The following PLIN3 variants were observed in gnomAD, a reference collection of about 807,000 sequenced individuals.
PLIN3 encodes the protein perilipin 3, also known as perilipin-3.
In PLIN3, 30 loss-of-function variants were observed where a neutral mutation model predicts 35.9. The observed-to-expected ratio is 0.84, with a 90% confidence interval of 0.62 to 1.13. The LOEUF is 1.13. PLIN3 is among the 50% of genes most tolerant of loss of function. The pLI is 0.00. For synonymous variants in PLIN3, 261 were observed against 262.5 expected, an observed-to-expected ratio of 0.99 and a Z score of 0.06; for missense variants, 603 against 596.9, an observed-to-expected ratio of 1.01 and a Z score of -0.11.
Position 4,863,220 on chromosome 19 carries a change from G to A in PLIN3, c.-17-1809C>T, listed in dbSNP as rs528100639. On this transcript the variant is annotated intron_variant, in intron 1 of 7. Transcript: ENST00000221957. ...GGCTAAAGAATGAGATTTAAAGGCC[G>A]GGTGCGGTGGCTCACGCCTGTAATC... Among the ~76,000 whole-genome samples the A allele has an allele frequency of 6.1e-5, 9 of 147,968 alleles. No individual in the cohort carries two copies. In the East Asian group the frequency reaches 1.3e-3, roughly 21 times the overall value.
At chr19:4,865,940 G>A (rs192215482) in intron 1 of PLIN3, among the ~76,000 whole-genome samples, 3 of 149,870 alleles carry the variant, frequency 2.0e-5, no homozygotes, top group African/African-American at 7.4e-5. Context: ...AGCCAGGATC[G>A]TCTCGATCTC....
chr19:4,863,995 C>T (rs1452034189), intron 1 of PLIN3, among the ~76,000 whole-genome samples: 3 of 151,980 alleles, frequency 2.0e-5, no homozygotes, highest in Middle Eastern at 3.4e-3. Flanking sequence ...TGTAGTGGTG[C>T]GATCTTGGCT....
chr19:4,852,434 CTCTG>C (rs2030332941), intron 4 of PLIN3, 133 bp from the exon 5 acceptor site: 9 of 1,096,870 alleles, frequency 8.2e-6, no homozygotes, highest in Non-Finnish European at 1.2e-5. Context: ...TCCGTCTTCC[CTCTG>C]TATGTGGGCA....
intron 5 of PLIN3, among the ~76,000 whole-genome samples, chr19:4,850,880 G>A (rs372438563): frequency 3.4e-4 from 51 of 152,090 alleles, no homozygotes; most frequent in East Asian, 2.1e-3. Flanking sequence ...TATATCCTAA[G>A]CTACTTATTT....
At chr19:4,863,837 A>AG (rs1021449180) in intron 1 of PLIN3, among the ~76,000 whole-genome samples, 8 of 151,534 alleles carry the variant, frequency 5.3e-5, no homozygotes, top group African/African-American at 1.9e-4. Flanking sequence ...CAAAAAAAAA[A>AG]AAAAGAAAAC....
In PLIN3 at chr19:4,852,163, C is replaced by T. The variant is rs761431232; in HGVS notation, c.487G>A (p.Asp163Asn). 5.0e-5 allele frequency: 81 copies of T among 1,613,874 alleles called. No individual in the cohort carries two copies. Among genetic ancestry groups the T allele is most frequent in the Non-Finnish European group, 6.6e-5 (78 of 1,180,012 alleles). ...CCGGTCACTACGGACTTTGTCTTGT[C>T]CACGCCGCTCTGCACAGCACCGCGG... ...ATRGAVQSGV[D>N]KTKSVVTGGV... The change falls in exon 5 of 8, where the codon GAC becomes AAC. Residue 163 changes from aspartate to asparagine, a missense_variant. Transcript: ENST00000221957.
At chr19:4,841,928 A>AAAAAAAAAAAAAAG (rs2029905882) in intron 7 of PLIN3, among the ~76,000 whole-genome samples, 3 of 30,660 alleles carry the variant, frequency 9.8e-5, no homozygotes, top group Non-Finnish European at 1.3e-4. Context: ...AAAAAAAAAG[A>AAAAAAAAAAAAAAG]AAAAAAAAAG....
At chr19:4,841,159 C>T (rs1302599372) in intron 7 of PLIN3, among the ~76,000 whole-genome samples, 2 of 152,128 alleles carry the variant, frequency 1.3e-5, no homozygotes, top group African/African-American at 4.8e-5. Flanking sequence ...AAACATACGT[C>T]CACACACAAA....
chr19:4,844,678 G>A lies in PLIN3; in HGVS notation c.950C>T (p.Pro317Leu), dbSNP rs749029535. ...KQLQGPEKEP[P>L]KPEQVESRAL... ...TCCCCTCATGGGTACCTCTGGCTTG[G>A]GCGGCTCCTTCTCGGGGCCCTGGAG... Residue 317 changes from proline (P) to leucine (L), a missense_variant, in exon 7 of 8, where the codon CCC (proline) becomes CTC (leucine). Pro to Leu is a moderately conservative substitution (Grantham distance 98, BLOSUM62 -3). Transcript: ENST00000221957. The A allele has an allele frequency of 6.2e-7, 1 of 1,609,502 alleles. No individual in the cohort carries two copies. The highest frequency in any genetic ancestry group is 1.3e-5 in the African/African-American group (1 of 74,822).
intron 1 of PLIN3, among the ~76,000 whole-genome samples, chr19:4,863,298 G>C (rs2030734789): frequency 6.6e-6 from 1 of 151,792 alleles, no homozygotes; most frequent in Admixed American, 6.6e-5. Flanking sequence ...AGGAGTTCGA[G>C]ACCAGCCTGA....
At chr19:4,860,148 C>CT in intron 2 of PLIN3, 124 bp from the exon 3 acceptor site, 1 of 767,032 alleles carries the variant, frequency 1.3e-6, no homozygotes, top group Non-Finnish European at 2.2e-6. Context: ...TTTACCCACA[C>CT]TTTGCATCCA....
intron 4 of PLIN3, among the ~76,000 whole-genome samples, chr19:4,857,016 T>C (rs1247662560): frequency 6.6e-6 from 1 of 152,062 alleles, no homozygotes; most frequent in Admixed American, 6.6e-5. Flanking sequence ...GTGCCTCATT[T>C]TTTCATCCCA....
At chr19:4,840,115 G>A (rs994722262) in intron 7 of PLIN3, among the ~76,000 whole-genome samples, 6 of 151,232 alleles carry the variant, frequency 4.0e-5, no homozygotes, top group South Asian at 2.1e-4. Flanking sequence ...CTACAGGCGC[G>A]TGCCACCACG....
intron 1 of PLIN3, among the ~76,000 whole-genome samples, chr19:4,861,704 G>A (rs1032302617): frequency 6.6e-6 from 1 of 151,332 alleles, no homozygotes; most frequent in African/African-American, 2.4e-5. Flanking sequence ...GGGGCAACCT[G>A]GGCTCACTGC....
chr19:4,844,088 G>A (rs930441455), intron 7 of PLIN3, among the ~76,000 whole-genome samples: 2 of 152,084 alleles, frequency 1.3e-5, no homozygotes, highest in East Asian at 1.9e-4. Flanking sequence ...TGGGTGGTGG[G>A]ACAGGCAGCG....
intron 1 of PLIN3, among the ~76,000 whole-genome samples, chr19:4,862,465 C>T (rs894400255): frequency 5.9e-5 from 9 of 151,970 alleles, no homozygotes; most frequent in Non-Finnish European, 1.2e-4. Flanking sequence ...AGGCTGGTCT[C>T]GAATTCCTGG....
At chr19:4,843,510 A>AAAAAAAAAAAT (rs1555733213) in intron 7 of PLIN3, among the ~76,000 whole-genome samples, 8 of 139,532 alleles carry the variant, frequency 5.7e-5, no homozygotes, top group South Asian at 2.4e-4. Flanking sequence ...TCCATCTCAA[A>AAAAAAAAAAAT]AAATAAATAA....
rs1171911773 is a variant in PLIN3 at position 4,847,901 on chromosome 19, AAGG to A, written c.635-14_635-12del. ...ATGTGGCGATGCGGGCTGCAAGGAAAAGGAGAAGGGTCTCTGTGAAGACCAGAA... is the reference window on the plus strand; with the variant it reads ...ATGTGGCGATGCGGGCTGCAAGGAAAAGAAGGGTCTCTGTGAAGACCAGAA... On this transcript the variant is annotated splice_polypyrimidine_tract_variant and intron_variant, in intron 5 of 7. Transcript: ENST00000221957. 1 of 1,608,332 alleles carries A rather than the reference AAGG, an allele frequency of 6.2e-7. No homozygotes were observed. Among genetic ancestry groups the A allele is most frequent in the Admixed American group, 1.7e-5 (1 of 59,476 alleles).
In PLIN3 at chr19:4,860,013, C is replaced by T. The variant is rs778842981; in HGVS notation, c.78G>A (p.Val26=). 1.1e-5 allele frequency: 17 copies of T among 1,613,950 alleles called. No homozygotes were observed. The East Asian group carries it at 2.0e-4, about 19-fold the overall frequency. The part of the protein sequence containing the change: ...VEEPVQQPSV[V]DRVASMPLIS... ...TCAGAGGCATGCTGGCCACACGGTC[C>T]ACCACACTGGGCTACAGGAGAGAAG... is the stretch of plus-strand genomic sequence containing the variant. The change falls in exon 3 of 8, where the codon GTG becomes GTA. Residue 26 remains valine (V), a synonymous_variant. Transcript: ENST00000221957.
Sources: allele counts gnomAD v4.1 joint callset (sites outside exome capture counted in the v4.1 genomes callset), GRCh38; gene constraint gnomAD v4.1.1; transcripts MANE v1.5; gene names NCBI Gene and HGNC (gene_info 2026-07-23, HGNC 2026-07-21).